The following MACC1 variants were observed in gnomAD, a reference collection of about 807,000 sequenced individuals.
MACC1 encodes the protein MET transcriptional regulator MACC1.
A neutral mutation model predicts 70.7 loss-of-function variants in MACC1; 79 were observed. The observed-to-expected ratio is 1.12, with a 90% CI of 0.93 to 1.35. The LOEUF is 1.35. Ranked by LOEUF, MACC1 falls within the 40% of genes most tolerant of loss-of-function variation. The pLI is 0.00. For synonymous variants in MACC1, 361 were observed against 347.2 expected (o/e 1.04, Z -0.44); for missense variants, 1,106 against 978.1 (o/e 1.13, Z -1.74).
At chr7:20,183,475 T>A (rs980269964) in intron 1 of MACC1, among the ~76,000 whole-genome samples, 1 of 152,228 alleles carries the variant, frequency 6.6e-6, no homozygotes, top group African/African-American at 2.4e-5. Context: ...CAAGCTTCAT[T>A]GTACCAGACT....
intron 1 of MACC1, among the ~76,000 whole-genome samples, chr7:20,176,498 A>C (rs1782395367): frequency 1.3e-5 from 2 of 152,186 alleles, no homozygotes; most frequent in Admixed American, 6.5e-5. Flanking sequence ...ATAATAGTTA[A>C]TTTAAAAGAT....
At position 20,140,735 on chromosome 7, in the gene MACC1, G is replaced by C; in HGVS notation, c.*211C>G. 4.8e-6 allele frequency: 2 copies of C among 416,814 alleles called. No homozygotes were observed. The highest frequency in any genetic ancestry group is 8.3e-6 in the Non-Finnish European group (2 of 240,886). 25.8% of individuals were successfully genotyped at this position (416,814 alleles called of 1,614,324 possible). A position where few individuals can be genotyped will look rare whatever the true frequency, so the allele number is the denominator to read the frequency against. On this transcript the variant is annotated 3_prime_UTR_variant, in exon 7 of 7. Coordinates refer to ENST00000400331, the MANE Select transcript of MACC1 (RefSeq NM_182762.4). Reference sequence around the variant, plus strand: ...TATCAGTTAGGCTGTGCTTTCATCAGGAAAAAAAAACTGGTTTTGAGCATG... The same window carrying C: ...TATCAGTTAGGCTGTGCTTTCATCACGAAAAAAAAACTGGTTTTGAGCATG...
intron 1 of MACC1, among the ~76,000 whole-genome samples, chr7:20,175,545 C>G (rs1782378129): frequency 6.6e-6 from 1 of 152,002 alleles, no homozygotes; most frequent in African/African-American, 2.4e-5. Context: ...GCAAAATTAG[C>G]ATTTTCATAT....
chr7:20,143,334 G>A (rs959232123), intron 6 of MACC1, among the ~76,000 whole-genome samples: 2 of 152,162 alleles, frequency 1.3e-5, no homozygotes. Context: ...ATGCACTTAC[G>A]CAGAGCACCA....
chr7:20,161,623 A>T, intron 4 of MACC1, 125 bp downstream of exon 4: 1 of 597,464 alleles, frequency 1.7e-6, no homozygotes, highest in Non-Finnish European at 2.9e-6. Flanking sequence ...TATTTCTATG[A>T]TAAAAACAAG....
At chr7:20,154,817 G>A (rs777083925) in intron 5 of MACC1, among the ~76,000 whole-genome samples, 10 of 152,042 alleles carry the variant, frequency 6.6e-5, no homozygotes, top group Non-Finnish European at 1.5e-4. Context: ...TTTCTTTAAA[G>A]TGTATGTGAA....
chr7:20,213,766 G>A (rs1357069975), intron 1 of MACC1, among the ~76,000 whole-genome samples: 1 of 152,094 alleles, frequency 6.6e-6, no homozygotes, highest in African/African-American at 2.4e-5. Flanking sequence ...AGGGTGGAGG[G>A]TGGGAGGAGG....
intron 5 of MACC1, among the ~76,000 whole-genome samples, chr7:20,155,946 T>C (rs1782048838): frequency 6.6e-6 from 1 of 152,240 alleles, no homozygotes; most frequent in Non-Finnish European, 1.5e-5. Flanking sequence ...TATAAGACTT[T>C]ACATGCATCA....
intron 1 of MACC1, among the ~76,000 whole-genome samples, chr7:20,179,254 T>C (rs1020225849): frequency 6.6e-6 from 1 of 151,986 alleles, no homozygotes; most frequent in South Asian, 2.1e-4. Context: ...AAAAAAAAAT[T>C]CCATCATTTA....
At chr7:20,152,258 G>T (rs551945591) in intron 6 of MACC1, among the ~76,000 whole-genome samples, 1 of 151,984 alleles carries the variant, frequency 6.6e-6, no homozygotes, top group Non-Finnish European at 1.5e-5. Context: ...GAAAAAAAGC[G>T]GCCCAGCAAC....
intron 2 of MACC1, among the ~76,000 whole-genome samples, chr7:20,167,497 C>T (rs889369870): frequency 1.3e-5 from 2 of 151,594 alleles, no homozygotes; most frequent in African/African-American, 2.4e-5. Context: ...TGCCTGGCCT[C>T]CATTATCCTC....
chr7:20,215,396 T>C (rs1269571975), intron 1 of MACC1, among the ~76,000 whole-genome samples: 4 of 152,144 alleles, frequency 2.6e-5, no homozygotes, highest in Non-Finnish European at 5.9e-5. Context: ...TGAATGACAC[T>C]TCCTAGAGAC....
chr7:20,197,421 T>C (rs947607773), intron 1 of MACC1, among the ~76,000 whole-genome samples: 5 of 152,224 alleles, frequency 3.3e-5, no homozygotes, highest in African/African-American at 1.2e-4. Flanking sequence ...TTTGTGTTTT[T>C]TGTATGTTAA....
chr7:20,171,255 C>CTT (rs60086169), intron 1 of MACC1, among the ~76,000 whole-genome samples: 1 of 144,094 alleles, frequency 6.9e-6, no homozygotes, highest in Non-Finnish European at 1.5e-5. Flanking sequence ...ATTTTATTTT[C>CTT]TTTTTTTTTT....
intron 6 of MACC1, among the ~76,000 whole-genome samples, chr7:20,141,554 TTA>T (rs3031509): frequency 0.56 from 85,150 of 151,602 alleles, 25,442 homozygotes; most frequent in East Asian, 0.82. Context: ...GTGGTGAGTT[TTA>T]TGACACCAAA....
At chr7:20,179,414 G>A (rs1782465043) in intron 1 of MACC1, among the ~76,000 whole-genome samples, 1 of 152,132 alleles carries the variant, frequency 6.6e-6, no homozygotes, top group Admixed American at 6.5e-5. Flanking sequence ...TAATTAGAAG[G>A]TATTTTGTCT....
At position 20,158,494 on chromosome 7, in the gene MACC1, T is replaced by G; in HGVS notation, c.1867A>C (p.Met623Leu). The G allele has an allele frequency of 6.2e-7, 1 of 1,614,082 alleles. No individual in the cohort carries two copies. The highest frequency in any genetic ancestry group is 1.6e-4 in the Middle Eastern group (1 of 6,062). ...GTAAAGACACTATCTGACATAAACA[T>G]TACTTGCTCCTTTGAAATCACCTTG... ...NVKVISKEQV[M>L]FMSDSVFTTR... The change falls in exon 5 of 7, where the codon ATG becomes CTG. Residue 623 changes from methionine (M) to leucine (L), a missense_variant. Transcript: ENST00000400331.
intron 1 of MACC1, among the ~76,000 whole-genome samples, chr7:20,203,424 G>T (rs1414654336): frequency 2.0e-5 from 3 of 152,170 alleles, no homozygotes; most frequent in Admixed American, 2.0e-4. Flanking sequence ...TGATGATGAT[G>T]GTGTGTGCGT....
chr7:20,168,469 A>C (rs375433535), intron 2 of MACC1, among the ~76,000 whole-genome samples: 5 of 152,340 alleles, frequency 3.3e-5, no homozygotes, highest in Middle Eastern at 3.4e-3. Context: ...CAAGCTTCAC[A>C]GTGATCATAG....
Sources: allele counts gnomAD v4.1 joint callset (sites outside exome capture counted in the v4.1 genomes callset), GRCh38; gene constraint gnomAD v4.1.1; transcripts MANE v1.5; gene names NCBI Gene and HGNC (gene_info 2026-07-23, HGNC 2026-07-21).